The following SLC22A25 variants were observed in gnomAD, a reference collection of about 807,000 sequenced individuals.
The protein encoded by SLC22A25 is MGI:2442751, MGI:2385316, MGI:3042283, MGI:3645714, MGI:3605624, MGI:2442750.
In SLC22A25, 44 loss-of-function variants were observed where a neutral mutation model predicts 45.9. The observed-to-expected ratio is 0.96, with a 90% CI of 0.75 to 1.23. The LOEUF (loss-of-function observed/expected upper bound fraction) is 1.23, where lower values mean the gene tolerates loss of function less well. SLC22A25 is among the 50% of genes most tolerant of loss of function. The probability of loss-of-function intolerance (pLI) is 0.00; values close to 1 mark genes in which losing one functional copy is unlikely to be tolerated. For missense variants in SLC22A25, 800 were observed against 666.4 expected, an observed-to-expected ratio of 1.20 and a Z score of -2.21; for synonymous variants, 283 against 238.6, an observed-to-expected ratio of 1.19 and a Z score of -1.72.
Position 63,228,459 on chromosome 11 carries a change from A to C in SLC22A25, c.506+2T>G, listed in dbSNP as rs1590909147. ...AGAGAGCTATGCTCCATAGACACTC[A>C]CCTGTCTGACAAATGGCCATATAGG... On this transcript the variant is annotated splice_donor_variant, in intron 5 of 11. Transcript: ENST00000306494. LOFTEE classifies it high-confidence loss of function. 1 of 1,593,958 alleles carries C rather than the reference A, an allele frequency of 6.3e-7. No homozygotes were observed. Among genetic ancestry groups the C allele is most frequent in the African/African-American group, 1.3e-5 (1 of 74,580 alleles).
chr11:63,195,928 C>T (rs112361069), intron 7 of SLC22A25, among the ~76,000 whole-genome samples: 18,616 of 152,122 alleles, frequency 0.12, 2,100 homozygotes, highest in African/African-American at 0.3. Flanking sequence ...GATATCACCA[C>T]GGATCCCACA....
chr11:63,169,705 G>A (rs1046400198), intron 9 of SLC22A25, among the ~76,000 whole-genome samples: 9 of 151,996 alleles, frequency 5.9e-5, no homozygotes, highest in East Asian at 3.8e-4. Flanking sequence ...AGATTCCTAC[G>A]CAATAATAGT....
intron 7 of SLC22A25, among the ~76,000 whole-genome samples, chr11:63,214,910 A>G (rs1187144988): frequency 6.6e-6 from 1 of 152,180 alleles, no homozygotes; most frequent in African/African-American, 2.4e-5. Context: ...TAGAATGGCA[A>G]TCATTAAAAA....
intron 3 of SLC22A25, among the ~76,000 whole-genome samples, chr11:63,233,777 C>G (rs1043963722): frequency 6.6e-6 from 1 of 152,170 alleles, no homozygotes; most frequent in African/African-American, 2.4e-5. Flanking sequence ...GCATTTAGTG[C>G]TATAAATTTC....
intron 5 of SLC22A25, among the ~76,000 whole-genome samples, chr11:63,221,315 G>A (rs1236103781): frequency 2.6e-5 from 4 of 151,978 alleles, no homozygotes; most frequent in Non-Finnish European, 5.9e-5. Flanking sequence ...GGATACAAGC[G>A]ATTTTAACTG....
At chr11:63,203,676 G>T (rs560881985) in intron 7 of SLC22A25, among the ~76,000 whole-genome samples, 1 of 152,186 alleles carries the variant, frequency 6.6e-6, no homozygotes, top group South Asian at 2.1e-4. Context: ...CCAAACCTAT[G>T]ATTGACTGGT....
At chr11:63,196,779 T>G (rs762840780) in intron 7 of SLC22A25, among the ~76,000 whole-genome samples, 5 of 152,142 alleles carry the variant, frequency 3.3e-5, no homozygotes, top group Non-Finnish European at 7.4e-5. Flanking sequence ...GAGAAAGAAA[T>G]AAAGGGTATT....
chr11:63,196,543 C>A (rs944572907), intron 7 of SLC22A25, among the ~76,000 whole-genome samples: 1 of 152,064 alleles, frequency 6.6e-6, no homozygotes, highest in African/African-American at 2.4e-5. Context: ...AGGCCTTTGA[C>A]AAAATTCAAC....
chr11:63,221,117 T>C (rs1346405619), intron 5 of SLC22A25, among the ~76,000 whole-genome samples: 1 of 152,200 alleles, frequency 6.6e-6, no homozygotes, highest in African/African-American at 2.4e-5. Context: ...TTTGCTATAC[T>C]GATTTCCTTT....
intron 7 of SLC22A25, among the ~76,000 whole-genome samples, chr11:63,213,826 A>G (rs537280770): frequency 6.6e-6 from 1 of 152,284 alleles, no homozygotes; most frequent in East Asian, 1.9e-4. Flanking sequence ...CCAGATGTTG[A>G]ATACTTCACT....
At chr11:63,193,921 G>A (rs1306727548) in intron 7 of SLC22A25, among the ~76,000 whole-genome samples, 1 of 152,116 alleles carries the variant, frequency 6.6e-6, no homozygotes, top group Non-Finnish European at 1.5e-5. Context: ...CTTGAAAAAA[G>A]ATTCGACAAA....
intron 3 of SLC22A25, among the ~76,000 whole-genome samples, chr11:63,236,494 G>A (rs2090166511): frequency 6.6e-6 from 1 of 152,144 alleles, no homozygotes. Flanking sequence ...CATTGGAAAA[G>A]CATAGTATTA....
At chr11:63,198,677 C>G (rs1270500525) in intron 7 of SLC22A25, among the ~76,000 whole-genome samples, 2 of 152,046 alleles carry the variant, frequency 1.3e-5, no homozygotes, top group Non-Finnish European at 2.9e-5. Context: ...TGAAACAAAT[C>G]TGCACATTGT....
chr11:63,199,908 G>A (rs920668588), intron 7 of SLC22A25, among the ~76,000 whole-genome samples: 7 of 151,880 alleles, frequency 4.6e-5, no homozygotes, highest in African/African-American at 1.5e-4. Flanking sequence ...ATGTGCCTGC[G>A]TGCCAGACAC....
At chr11:63,172,215 C>A (rs560008583) in intron 9 of SLC22A25, among the ~76,000 whole-genome samples, 45 of 152,190 alleles carry the variant, frequency 3.0e-4, no homozygotes, top group African/African-American at 1.1e-3. Context: ...TAGGCAATAC[C>A]ATTTGGGACA....
At position 63,163,158 on chromosome 11, in the gene SLC22A25, G is replaced by A. The variant is rs2087564626; in HGVS notation, c.*666C>T. ...AAACCAAGCTCCCAGCCTAGGATCT[G>A]GGAAGGCAGCTTGAATAGCTTCAAC... On this transcript the variant is annotated 3_prime_UTR_variant, in exon 12 of 12. Coordinates refer to ENST00000306494, the MANE Select transcript of SLC22A25 (RefSeq NM_199352.6). Among the ~76,000 whole-genome samples the A allele has an allele frequency of 6.6e-6, 1 of 152,194 alleles. No individual in the cohort carries two copies. Among genetic ancestry groups the A allele is most frequent in the Non-Finnish European group, 1.5e-5 (1 of 68,038 alleles).
intron 3 of SLC22A25, among the ~76,000 whole-genome samples, chr11:63,232,700 C>T (rs1004991801): frequency 5.9e-5 from 9 of 152,158 alleles, no homozygotes; most frequent in Admixed American, 1.3e-4. Context: ...GAGGGCACCC[C>T]TGTAGTGTGC....
At position 63,229,580 on chromosome 11, in the gene SLC22A25, T is replaced by G. The variant is rs764390249; in HGVS notation, c.73A>C (p.Ile25Leu). Residue 25 changes from isoleucine to leucine, a missense_variant, in exon 4 of 12, where the codon ATA (isoleucine) becomes CTA (leucine). Transcript: ENST00000306494. ...TGGTATACTATGACGTTGAACATTA[T>G]AAGGAAAACCATCTGAAGGATCTGG... is the stretch of plus-strand genomic sequence containing the variant. The part of the protein sequence containing the change: ...RFQILQMVFL[I>L]MFNVIVYHQT... The G allele has an allele frequency of 5.6e-6, 9 of 1,613,958 alleles. No individual in the cohort carries two copies. In the East Asian group the frequency reaches 1.6e-4, roughly 28 times the overall value.
At chr11:63,186,730 A>G (rs2088566284) in intron 7 of SLC22A25, among the ~76,000 whole-genome samples, 1 of 152,204 alleles carries the variant, frequency 6.6e-6, no homozygotes. Flanking sequence ...TATAAGGTGT[A>G]AGGAAGGGAT....
Sources: gnomAD v4.1 joint callset for allele counts (sites outside exome capture counted in the v4.1 genomes callset) on GRCh38, gnomAD v4.1.1 for gene constraint, MANE v1.5 for transcripts, NCBI Gene and HGNC (gene_info 2026-07-23, HGNC 2026-07-21) for gene names.